The following NUP210L variants were observed in gnomAD, a reference collection of about 807,000 sequenced individuals.
NUP210L encodes nuclear pore membrane glycoprotein 210-like.
Under a neutral mutation model 208.5 loss-of-function variants are expected in NUP210L, and 74 were observed. That is an observed-to-expected ratio of 0.35 (90% CI 0.29 to 0.43). NUP210L has a LOEUF of 0.43. Ranked by LOEUF, NUP210L falls within the 20% of genes least tolerant of loss-of-function variation. NUP210L has a pLI of 1.00. For synonymous variants in NUP210L, 780 were observed against 816.9 expected, an observed-to-expected ratio of 0.95 and a Z score of 0.77; for missense variants, 1,843 against 2,289.4, an observed-to-expected ratio of 0.81 and a Z score of 3.98.
At chr1:154,155,000 G>A (rs1279307302) in exon 1 of NUP210L, 3 of 1,613,724 alleles carry the variant, frequency 1.9e-6, no homozygotes, top group East Asian at 2.2e-5. Flanking sequence ...AGAAGAAAAA[G>A]AGCCCGAAGC....
At chr1:154,038,739 G>A (rs1465269412) in intron 27 of NUP210L, among the ~76,000 whole-genome samples, 3 of 152,148 alleles carry the variant, frequency 2.0e-5, no homozygotes, top group Non-Finnish European at 4.4e-5. Flanking sequence ...GGGATTATAG[G>A]TGTGAGCCAA....
chr1:154,046,282 T>TACTG lies in NUP210L; in HGVS notation c.3564+3_3564+6dup. ...TAATGAGCCCTGAACAGAGCCATCA[T>TACTG]ACTGACCTTGGTAGCTGTGATGAGC... On this transcript the variant is annotated splice_region_variant and intron_variant, in intron 26 of 39. Coordinates refer to ENST00000368559, the Ensembl canonical transcript of NUP210L. 1 of 1,614,144 alleles carries TACTG rather than the reference T, an allele frequency of 6.2e-7. No individual in the cohort carries two copies. Among genetic ancestry groups the TACTG allele is most frequent in the Non-Finnish European group, 8.5e-7 (1 of 1,179,974 alleles).
chr1:154,060,221 A>G (rs1319209928), intron 20 of NUP210L, among the ~76,000 whole-genome samples: 2 of 152,212 alleles, frequency 1.3e-5, no homozygotes, highest in African/African-American at 4.8e-5. Flanking sequence ...CCCAGGCAAC[A>G]GAGCGAGACT....
intron 18 of NUP210L, 103 bp downstream of exon 18, chr1:154,061,483 G>C: frequency 1.6e-6 from 1 of 608,762 alleles, no homozygotes; most frequent in Non-Finnish European, 2.8e-6. Context: ...CAGAATTACA[G>C]AGGTATATAG....
At chr1:154,073,866 T>C (rs1324915318) in intron 16 of NUP210L, among the ~76,000 whole-genome samples, 3 of 150,094 alleles carry the variant, frequency 2.0e-5, no homozygotes, top group African/African-American at 7.3e-5. Context: ...ATAAATTCAA[T>C]GGTATACTGG....
chr1:154,127,555 T>A (rs939818966), intron 8 of NUP210L, 138 bp from the exon 9 acceptor site: 85 of 4,470 alleles, frequency 0.019, no homozygotes, highest in Admixed American at 0.057. Context: ...AGTAGGTTCT[T>A]TTTTTTTTTT....
intron 12 of NUP210L, among the ~76,000 whole-genome samples, chr1:154,104,758 T>C (rs1656661784): frequency 6.6e-6 from 1 of 152,090 alleles, no homozygotes; most frequent in African/African-American, 2.4e-5. Flanking sequence ...GCTAAAGCAC[T>C]CTGGGGTCCT....
intron 27 of NUP210L, among the ~76,000 whole-genome samples, chr1:154,036,836 T>C (rs1329995070): frequency 6.6e-6 from 1 of 151,838 alleles, no homozygotes; most frequent in Non-Finnish European, 1.5e-5. Context: ...CTTGGCTCAC[T>C]GCAACAACCT....
chr1:154,066,330 T>C (rs1244317186), intron 17 of NUP210L, among the ~76,000 whole-genome samples: 1 of 152,106 alleles, frequency 6.6e-6, no homozygotes, highest in African/African-American at 2.4e-5. Flanking sequence ...AATCAATGAA[T>C]CGCTGGGCGC....
intron 32 of NUP210L, among the ~76,000 whole-genome samples, chr1:154,020,823 C>T (rs1557919068): frequency 6.6e-6 from 1 of 151,852 alleles, no homozygotes. Context: ...CTACACCCGG[C>T]CTTAATTTTT....
At chr1:154,149,087 C>CTTTTT (rs770217261) in intron 2 of NUP210L, among the ~76,000 whole-genome samples, 2,947 of 119,330 alleles carry the variant, frequency 0.025, 169 homozygotes, top group African/African-American at 0.083. Context: ...GAAAACTTCT[C>CTTTTT]TTTTTTTTTT....
chr1:154,152,257 G>C (rs2148164951), intron 2 of NUP210L, among the ~76,000 whole-genome samples: 1 of 151,092 alleles, frequency 6.6e-6, no homozygotes, highest in South Asian at 2.1e-4. Flanking sequence ...TGCAACCTGT[G>C]TCTCCCGGGT....
At chr1:154,081,001 AAAG>A (rs1655294704) in intron 16 of NUP210L, among the ~76,000 whole-genome samples, 1 of 151,808 alleles carries the variant, frequency 6.6e-6, no homozygotes, top group African/African-American at 2.4e-5. Context: ...AAAGAAAAAA[AAAG>A]AAAAGAAAAA....
At chr1:154,099,973 A>G in intron 14 of NUP210L, 25 bp downstream of exon 14, 1 of 1,612,198 alleles carries the variant, frequency 6.2e-7, no homozygotes, top group Non-Finnish European at 8.5e-7. Context: ...AAGAAATGCC[A>G]GTTCCTTACC....
Position 154,051,777 on chromosome 1 carries a change from AG to A in NUP210L, c.3483+2450del, listed in dbSNP as rs1229251354. ...CCTTTTCTCACTTTGTCTGGGCTACAGGCCAATCAAGAGAGTCTTCTGCCTC... is the reference window on the plus strand; with the variant it reads ...CCTTTTCTCACTTTGTCTGGGCTACAGCCAATCAAGAGAGTCTTCTGCCTC... On this transcript the variant is annotated intron_variant, in intron 25 of 39. Coordinates refer to ENST00000368559, the Ensembl canonical transcript of NUP210L. Among the ~76,000 whole-genome samples the A allele has an allele frequency of 2.6e-5, 4 of 152,234 alleles. No homozygotes were observed. The East Asian group carries it at 7.7e-4, about 29-fold the overall frequency.
At chr1:154,023,007 A>G (rs973660274) in intron 31 of NUP210L, 115 bp downstream of exon 31, 1 of 1,170,486 alleles carries the variant, frequency 8.5e-7, no homozygotes, top group African/African-American at 1.6e-5. Context: ...AACAAAAGAA[A>G]GATCAACTTC....
At chr1:154,014,883 A>C (rs1423425084) in intron 33 of NUP210L, among the ~76,000 whole-genome samples, 1 of 152,208 alleles carries the variant, frequency 6.6e-6, no homozygotes, top group Non-Finnish European at 1.5e-5. Context: ...ACACACCTGT[A>C]GTCCTAGCTA....
intron 13 of NUP210L, among the ~76,000 whole-genome samples, chr1:154,103,489 G>A (rs1345390198): frequency 6.6e-6 from 1 of 150,772 alleles, no homozygotes; most frequent in Non-Finnish European, 1.5e-5. Context: ...TGGCTAACAC[G>A]GTGAAACCCC....
intron 12 of NUP210L, 90 bp downstream of exon 12, chr1:154,117,635 A>G: frequency 1.0e-6 from 1 of 976,852 alleles, no homozygotes; most frequent in Non-Finnish European, 1.5e-6. Context: ...TTAAATAGCC[A>G]TGTTGGGCTC....
Sources: allele counts gnomAD v4.1 joint callset (sites outside exome capture counted in the v4.1 genomes callset), GRCh38; gene constraint gnomAD v4.1.1; transcripts MANE v1.5; gene names NCBI Gene and HGNC (gene_info 2026-07-23, HGNC 2026-07-21).